Variants in ZFAND3 observed in about 807,000 individuals in gnomAD.
ZFAND3 encodes AN1-type zinc finger protein 3.
A neutral mutation model predicts 29.6 loss-of-function variants in ZFAND3; 10 were observed. That is an observed-to-expected ratio of 0.34 (90% CI 0.21 to 0.57). The LOEUF (loss-of-function observed/expected upper bound fraction) is 0.57, where lower values mean the gene tolerates loss of function less well. ZFAND3 is among the 20% of genes least tolerant of loss of function. The probability of loss-of-function intolerance (pLI) is 0.86; values close to 1 mark genes in which losing one functional copy is unlikely to be tolerated. For synonymous variants in ZFAND3, 128 were observed against 112.6 expected, an observed-to-expected ratio of 1.14 and a Z score of -0.87; for missense variants, 230 against 304.5, an observed-to-expected ratio of 0.76 and a Z score of 1.82.
chr6:37,893,547 TTTTG>T (rs137942502), intron 1 of ZFAND3, among the ~76,000 whole-genome samples: 44,709 of 151,612 alleles, frequency 0.29, 7,261 homozygotes, highest in Non-Finnish European at 0.38. Context: ...GATCTTCTGT[TTTTG>T]TTTGTTTGTT....
At chr6:38,131,644 C>T (rs76465050) in intron 5 of ZFAND3, among the ~76,000 whole-genome samples, 3,515 of 152,334 alleles carry the variant, frequency 0.023, 60 homozygotes, top group Middle Eastern at 0.065. Context: ...GTAACACATA[C>T]CTTCCTCCCA....
chr6:37,883,034 C>T (rs971849497), intron 1 of ZFAND3, among the ~76,000 whole-genome samples: 16 of 152,082 alleles, frequency 1.1e-4, no homozygotes, highest in Admixed American at 1.3e-4. Context: ...GCCTGGGCAA[C>T]ATAGTGAGAC....
At chr6:37,922,336 G>T (rs528234806) in intron 1 of ZFAND3, among the ~76,000 whole-genome samples, 3 of 152,248 alleles carry the variant, frequency 2.0e-5, no homozygotes, top group African/African-American at 7.2e-5. Context: ...ACAGTAGTAA[G>T]AGTGTGACTA....
intron 4 of ZFAND3, among the ~76,000 whole-genome samples, chr6:38,088,077 G>A (rs1283657560): frequency 2.0e-5 from 3 of 152,142 alleles, no homozygotes; most frequent in African/African-American, 7.2e-5. Context: ...TCCTGGTAGA[G>A]TCAATATTCA....
At chr6:37,940,543 AT>A (rs559210898) in intron 2 of ZFAND3, among the ~76,000 whole-genome samples, 337 of 150,110 alleles carry the variant, frequency 2.2e-3, no homozygotes, top group African/African-American at 7.0e-3. Flanking sequence ...AGTCTTAACT[AT>A]TTTTTTTTTA....
intron 1 of ZFAND3, among the ~76,000 whole-genome samples, chr6:37,899,973 ATTGT>A (rs747929830): frequency 1.3e-5 from 2 of 152,118 alleles, no homozygotes; most frequent in Non-Finnish European, 2.9e-5. Flanking sequence ...TGTTTTATTG[ATTGT>A]TTTATAACAG....
intron 5 of ZFAND3, among the ~76,000 whole-genome samples, chr6:38,140,589 A>G (rs1765929324): frequency 6.6e-6 from 1 of 152,188 alleles, no homozygotes; most frequent in African/African-American, 2.4e-5. Flanking sequence ...TCCTGGTTGC[A>G]AGTGATCCTC....
intron 2 of ZFAND3, among the ~76,000 whole-genome samples, chr6:37,936,500 A>T (rs1761700889): frequency 6.6e-6 from 1 of 152,216 alleles, no homozygotes; most frequent in Non-Finnish European, 1.5e-5. Flanking sequence ...GTGGACTTTT[A>T]AATGTGTGCA....
chr6:37,842,580 A>G (rs186045722), intron 1 of ZFAND3, among the ~76,000 whole-genome samples: 116 of 152,192 alleles, frequency 7.6e-4, no homozygotes, highest in African/African-American at 2.7e-3. Flanking sequence ...TATATACCCT[A>G]ATTTGCTTTT....
intron 2 of ZFAND3, among the ~76,000 whole-genome samples, chr6:37,958,082 T>A (rs895681000): frequency 6.6e-6 from 1 of 152,214 alleles, no homozygotes; most frequent in African/African-American, 2.4e-5. Context: ...CATAAAATTT[T>A]AAAAAATATT....
At chr6:38,097,249 A>AT (rs1190146160) in intron 4 of ZFAND3, among the ~76,000 whole-genome samples, 20,615 of 123,408 alleles carry the variant, frequency 0.17, 1,680 homozygotes, top group Middle Eastern at 0.22. Flanking sequence ...TTAATTTTTC[A>AT]TTTTTTTTTT....
intron 2 of ZFAND3, among the ~76,000 whole-genome samples, chr6:37,936,778 A>G (rs1040192527): frequency 1.3e-5 from 2 of 152,216 alleles, no homozygotes; most frequent in African/African-American, 4.8e-5. Context: ...TTAAAAAGTG[A>G]AGTGAATTTA....
chr6:38,088,965 CT>C (rs1269297651), intron 4 of ZFAND3, among the ~76,000 whole-genome samples: 2 of 152,080 alleles, frequency 1.3e-5, no homozygotes, highest in Non-Finnish European at 2.9e-5. Flanking sequence ...TTCAATTTTA[CT>C]TTATATCCCT....
intron 1 of ZFAND3, among the ~76,000 whole-genome samples, chr6:37,831,853 A>G (rs1297218593): frequency 6.6e-6 from 1 of 152,222 alleles, no homozygotes; most frequent in Non-Finnish European, 1.5e-5. Context: ...GGGGCCAGTT[A>G]TGAAGATACT....
At chr6:38,143,880 C>G (rs1766013258) in intron 5 of ZFAND3, among the ~76,000 whole-genome samples, 1 of 152,122 alleles carries the variant, frequency 6.6e-6, no homozygotes, top group Non-Finnish European at 1.5e-5. Flanking sequence ...CAGATGCCTT[C>G]CATTCCCAAA....
chr6:37,967,062 C>T (rs547588940), intron 2 of ZFAND3, among the ~76,000 whole-genome samples: 2 of 152,228 alleles, frequency 1.3e-5, no homozygotes, highest in South Asian at 4.1e-4. Flanking sequence ...TAATGATGAC[C>T]TCTCTAACTG....
intron 2 of ZFAND3, among the ~76,000 whole-genome samples, chr6:37,972,488 A>G (rs1170807039): frequency 6.6e-6 from 1 of 152,184 alleles, no homozygotes; most frequent in African/African-American, 2.4e-5. Context: ...GGACTCTTGT[A>G]GGTATATGGA....
rs970595202 is a variant in ZFAND3 at position 38,115,340 on chromosome 6, G to A, written c.362-1232G>A. 3.9e-5 allele frequency among the ~76,000 whole-genome samples: 6 copies of A among 152,240 alleles called. 1 individual carries two copies. The highest frequency in any genetic ancestry group is 2.1e-4 in the South Asian group (1 of 4,830). ...GGAAGGAAAGCAGCAGGAGCTGAGC[G>A]TGGGGCAAGTCATGCAGGGTATTTG... On this transcript the variant is annotated intron_variant, in intron 4 of 5. Coordinates refer to ENST00000287218, the MANE Select transcript of ZFAND3 (RefSeq NM_021943.3).
chr6:37,955,606 A>G (rs1043620050), intron 2 of ZFAND3, among the ~76,000 whole-genome samples: 1 of 152,212 alleles, frequency 6.6e-6, no homozygotes, highest in African/African-American at 2.4e-5. Context: ...AAGTTCTGCT[A>G]TGACCCAGTA....
Sources: gnomAD v4.1 joint callset for allele counts (sites outside exome capture counted in the v4.1 genomes callset) on GRCh38, gnomAD v4.1.1 for gene constraint, MANE v1.5 for transcripts, NCBI Gene and HGNC (gene_info 2026-07-23, HGNC 2026-07-21) for gene names.